Variants in MRPL34 observed in about 807,000 individuals in gnomAD.
MRPL34 encodes mitochondrial ribosomal protein L34, also known as large ribosomal subunit protein bL34m.
Under a neutral mutation model 6.7 loss-of-function variants are expected in MRPL34, and 8 were observed. That is an observed-to-expected ratio of 1.20 (90% CI 0.70 to 2.16). The LOEUF (loss-of-function observed/expected upper bound fraction) is 2.16, where lower values mean the gene tolerates loss of function less well. Among genes scored for constraint, MRPL34 ranks in the 30% most tolerant of loss-of-function variants. The probability of loss-of-function intolerance (pLI) is 0.00; values close to 1 mark genes in which losing one functional copy is unlikely to be tolerated. For synonymous variants in MRPL34, 59 were observed against 55.1 expected, an observed-to-expected ratio of 1.07 and a Z score of -0.31; for missense variants, 146 against 125.5, an observed-to-expected ratio of 1.16 and a Z score of -0.78.
chr19:17,300,729 C>A, upstream of MRPL34: 1 of 1,227,080 alleles, frequency 8.1e-7, no homozygotes. Flanking sequence ...CCGCCTGCCT[C>A]GGCCTCCCAA....
chr19:17,301,316 C>A, upstream of MRPL34: 2 of 1,607,422 alleles, frequency 1.2e-6, no homozygotes, highest in Non-Finnish European at 1.7e-6. Flanking sequence ...AGGAGGTCGG[C>A]TCGAGGGGCT....
chr19:17,301,776 T>TTGTGTGTGTGTGTGTGTG (rs10679164), upstream of MRPL34, among the ~76,000 whole-genome samples: 2 of 147,354 alleles, frequency 1.4e-5, no homozygotes, highest in African/African-American at 5.1e-5. Context: ...ATTTTTTTGT[T>TTGTGTGTGTGTGTGTGTG]TGTGTGTGTG....
upstream of MRPL34, among the ~76,000 whole-genome samples, chr19:17,302,577 C>A (rs2074125759): frequency 6.6e-6 from 1 of 152,162 alleles, no homozygotes; most frequent in Non-Finnish European, 1.5e-5. Context: ...TTGCTCAGCT[C>A]CCCTAGACCG....
chr19:17,301,645 C>T (rs1189092431), upstream of MRPL34: 13 of 1,517,770 alleles, frequency 8.6e-6, no homozygotes, highest in African/African-American at 2.7e-5. Flanking sequence ...GGACAGCAGC[C>T]AGTTCAGGTG....
intron 1 of MRPL34, chr19:17,294,753 G>T (rs1452486212): frequency 6.2e-7 from 1 of 1,614,060 alleles, no homozygotes; most frequent in Non-Finnish European, 8.5e-7. Context: ...GCAGAAGCTG[G>T]GCTCCAGCGC....
exon 1 of MRPL34, chr19:17,292,763 C>T (rs1205734972): frequency 6.2e-7 from 1 of 1,613,898 alleles, no homozygotes; most frequent in Non-Finnish European, 8.5e-7. Context: ...TGTTGACCGT[C>T]TCAGGGCATT....
At chr19:17,302,518 A>G (rs1163254361), upstream of MRPL34, among the ~76,000 whole-genome samples, 6 of 152,158 alleles carry the variant, frequency 3.9e-5, no homozygotes, top group Non-Finnish European at 5.9e-5. Context: ...TTGACTCCTG[A>G]AAGGTGAGGC....
upstream of MRPL34, chr19:17,300,975 C>T (rs778584552): frequency 6.2e-7 from 1 of 1,613,492 alleles, no homozygotes; most frequent in Admixed American, 1.7e-5. Flanking sequence ...CAGAGCTGGC[C>T]CCGTGGCCGG....
chr19:17,305,966 T>G lies in MRPL34; in HGVS notation c.65+9T>G, dbSNP rs772347965. 6.2e-7 allele frequency: 1 copy of G among 1,613,912 alleles called. No individual in the cohort carries two copies. Among genetic ancestry groups the G allele is most frequent in the African/African-American group, 1.3e-5 (1 of 74,926 alleles). On this transcript the variant is annotated intron_variant, in intron 1 of 1. Transcript: ENST00000252602. ...GCGTTGCTGGGTGGCAGGTAAGTCC[T>G]CAGGGGGACCCTTCCCCAAATCAGG...
At chr19:17,293,898 C>A (rs2074081795) in intron 1 of MRPL34, among the ~76,000 whole-genome samples, 1 of 152,092 alleles carries the variant, frequency 6.6e-6, no homozygotes, top group South Asian at 2.1e-4. Flanking sequence ...ATCCCCAGAC[C>A]CTTTCTAATC....
At chr19:17,300,758 G>C (rs1237921296), upstream of MRPL34, 9 of 1,421,404 alleles carry the variant, frequency 6.3e-6, no homozygotes, top group South Asian at 1.2e-4. Flanking sequence ...GATTACAGGC[G>C]TGAGCCACGG....
rs1337342256 is a variant in MRPL34 at position 17,306,424 on chromosome 19, CGCCTCGGACCTT to C, written c.*50_*61del. ...GGGACCCTCATGGAAGCATCGCCCT[CGCCTCGGACCTT>C]GCCTGGCGCTATTTTTGCAGGGAGC... On this transcript the variant is annotated 3_prime_UTR_variant, in exon 2 of 2. Coordinates refer to ENST00000252602, the MANE Select transcript of MRPL34 (RefSeq NM_023937.4). 1.0e-5 allele frequency: 15 copies of C among 1,493,284 alleles called. No homozygotes were observed. The African/African-American group carries it at 2.0e-4, about 20-fold the overall frequency. The allele number at this position is 1,493,284 out of a possible 1,614,324, so 92.5% of individuals were successfully genotyped here. A position where few individuals can be genotyped will look rare whatever the true frequency, so the allele number is the denominator to read the frequency against.
At position 17,305,890 on chromosome 19, in the gene MRPL34, G is replaced by C; in HGVS notation, c.-3G>C. On this transcript the variant is annotated 5_prime_UTR_variant, in exon 1 of 2. Coordinates refer to ENST00000252602, the MANE Select transcript of MRPL34 (RefSeq NM_023937.4). ...AGCCGGTACTGCGGGACCCACTGCG[G>C]ATATGGCTGTCTTGGCTGGATCCCT... 1.2e-6 allele frequency: 2 copies of C among 1,614,012 alleles called. No individual in the cohort carries two copies. The highest frequency in any genetic ancestry group is 1.7e-6 in the Non-Finnish European group (2 of 1,179,944).
Position 17,306,159 on chromosome 19 carries a change from C to A in MRPL34, c.66-7C>A. On this transcript the variant is annotated splice_region_variant and splice_polypyrimidine_tract_variant and intron_variant, in intron 1 of 1. Transcript: ENST00000252602. ...TGACCTTTCTCGCCGTCCCTCTACC[C>A]ACGCAGGTGGCTCCAGCCCCGGGCC... is the stretch of plus-strand genomic sequence containing the variant. 1 of 1,517,756 alleles carries A rather than the reference C, an allele frequency of 6.6e-7. No homozygotes were observed. Among genetic ancestry groups the A allele is most frequent in the Non-Finnish European group, 8.8e-7 (1 of 1,135,448 alleles). 94.0% of individuals were successfully genotyped at this position (1,517,756 alleles called of 1,614,324 possible).
rs552697445 is a variant in MRPL34, at chr19:17,293,404, G to A, written c.214+550G>A. ...GAGCCACCGCGCCCGGCCTGGAGGA[G>A]GATTTTGTCAACTTCAACTCTACCA... On this transcript the variant is annotated intron_variant, in intron 1 of 2. Coordinates refer to the MRPL34 transcript ENST00000595444. 7.7e-5 allele frequency among the ~76,000 whole-genome samples: 11 copies of A among 142,892 alleles called. No individual in the cohort carries two copies. In the South Asian group the frequency reaches 2.5e-3, roughly 33 times the overall value. The allele number at this position is 142,892 out of a possible 152,430, so 93.7% of individuals were successfully genotyped here. A position where few individuals can be genotyped will look rare whatever the true frequency, so the allele number is the denominator to read the frequency against.
intron 1 of MRPL34, chr19:17,294,635 C>G (rs1244360417): frequency 6.2e-7 from 1 of 1,609,292 alleles, no homozygotes; most frequent in South Asian, 1.1e-5. Context: ...CCTGGGTTCG[C>G]CAGGGCCAGG....
rs2074150466 is a variant in MRPL34, at chr19:17,306,611, G to C, written c.*232G>C. On this transcript the variant is annotated 3_prime_UTR_variant, in exon 2 of 2. Transcript: ENST00000252602. ...CCAAAGAACAGTACAAAGAACATCCGTGTACCCAGTACCCTGACTACCGAC... is the reference window on the plus strand; with the variant it reads ...CCAAAGAACAGTACAAAGAACATCCCTGTACCCAGTACCCTGACTACCGAC... 4.4e-6 allele frequency: 2 copies of C among 452,844 alleles called. No homozygotes were observed. Among genetic ancestry groups the C allele is most frequent in the Non-Finnish European group, 7.8e-6 (2 of 255,642 alleles). 28.1% of individuals were successfully genotyped at this position (452,844 alleles called of 1,614,324 possible).
intron 1 of MRPL34, among the ~76,000 whole-genome samples, chr19:17,293,529 G>A (rs1599521600): frequency 6.6e-6 from 1 of 151,938 alleles, no homozygotes; most frequent in East Asian, 1.9e-4. Context: ...TTTGTAGGGT[G>A]TTGAGCAGCA....
upstream of MRPL34, among the ~76,000 whole-genome samples, chr19:17,303,764 C>T (rs893318994): frequency 2.6e-5 from 4 of 152,188 alleles, no homozygotes; most frequent in African/African-American, 9.7e-5. Context: ...AAACGAGGCC[C>T]CCATACTCTT....
Sources: gnomAD v4.1 joint callset for allele counts (sites outside exome capture counted in the v4.1 genomes callset) on GRCh38, gnomAD v4.1.1 for gene constraint, MANE v1.5 for transcripts, NCBI Gene and HGNC (gene_info 2026-07-23, HGNC 2026-07-21) for gene names.